MYBPC1: variants seen among roughly 807,000 people sequenced by gnomAD.
MYBPC1 encodes myosin-binding protein C, slow-type.
In MYBPC1, 52 loss-of-function variants were observed where a neutral mutation model predicts 147.1. The ratio of observed to expected loss-of-function variants is 0.35; its 90% CI spans 0.28 to 0.45. The LOEUF is 0.45. MYBPC1 is among the 20% of genes least tolerant of loss of function. MYBPC1 has a pLI of 1.00. For synonymous variants in MYBPC1, 477 were observed against 475.9 expected (o/e 1.00, Z -0.03); for missense variants, 1,228 against 1,440.3 (o/e 0.85, Z 2.39).
chr12:101,661,169 C>G lies in MYBPC1; in HGVS notation c.1939C>G (p.Pro647Ala). 2 of 1,613,100 alleles carry G rather than the reference C, an allele frequency of 1.2e-6. No homozygotes were observed. The highest frequency in any genetic ancestry group is 1.7e-6 in the Non-Finnish European group (2 of 1,179,536). ...TTTGTCTGCCACAGACTTCCCTGAT[C>G]CTCCAGTGGCACCGACTGTGACAGA... ...IKVKVVDFPD[P>A]PVAPTVTEVG... The change falls in exon 20 of 32, where the codon CCT becomes GCT. Residue 647 changes from proline (P) to alanine (A), a missense_variant. Transcript: ENST00000361466.
intron 5 of MYBPC1, 169 bp downstream of exon 5, chr12:101,627,973 A>G (rs1889013972): frequency 1.3e-6 from 1 of 790,268 alleles, no homozygotes; most frequent in Admixed American, 2.2e-5. Context: ...ATTGAGAAAC[A>G]ATTAATTTTG....
At position 101,680,377 on chromosome 12, in the gene MYBPC1, T is replaced by G; in HGVS notation, c.3281T>G (p.Ile1094Ser). 1 of 1,614,122 alleles carries G rather than the reference T, an allele frequency of 6.2e-7. No homozygotes were observed. Among genetic ancestry groups the G allele is most frequent in the Non-Finnish European group, 8.5e-7 (1 of 1,179,984 alleles). ...ACCTGGATGAAAAACAAAGTTGCTA[T>G]TGTGGATGATCCAAGATACAGGATG... ...KITWMKNKVAIVDDPRYRMFS... is the reference protein window; with the variant it reads ...KITWMKNKVASVDDPRYRMFS... Residue 1094 changes from isoleucine to serine, a missense_variant, in exon 29 of 32, where the codon ATT becomes AGT. By Grantham distance (142) the Ile-to-Ser change is moderately radical. Coordinates refer to ENST00000361466, the MANE Select transcript of MYBPC1 (RefSeq NM_002465.4).
chr12:101,598,092 TCA>T (rs1878168836), intron 1 of MYBPC1, among the ~76,000 whole-genome samples: 2 of 147,900 alleles, frequency 1.4e-5, no homozygotes, highest in Admixed American at 1.4e-4. Context: ...CAGTCTCCGC[TCA>T]CTGCAGCCTT....
In MYBPC1 at chr12:101,661,147, G is replaced by C; in HGVS notation, c.1928-11G>C. ...CTTATTTTACTTTATCCTATTTTTTGTCTGCCACAGACTTCCCTGATCCTC... is the reference window on the plus strand; with the variant it reads ...CTTATTTTACTTTATCCTATTTTTTCTCTGCCACAGACTTCCCTGATCCTC... On this transcript the variant is annotated splice_polypyrimidine_tract_variant and intron_variant, in intron 19 of 31. Coordinates refer to ENST00000361466, the MANE Select transcript of MYBPC1 (RefSeq NM_002465.4). 1.3e-6 allele frequency: 2 copies of C among 1,591,266 alleles called. No individual in the cohort carries two copies. The highest frequency in any genetic ancestry group is 1.7e-6 in the Non-Finnish European group (2 of 1,163,756).
chr12:101,678,633 T>C (rs1900633861), intron 28 of MYBPC1, among the ~76,000 whole-genome samples: 1 of 152,200 alleles, frequency 6.6e-6, no homozygotes, highest in Non-Finnish European at 1.5e-5. Context: ...CACTACACTG[T>C]AAGACAGAAT....
At chr12:101,601,241 G>A (rs1879786252) in intron 1 of MYBPC1, among the ~76,000 whole-genome samples, 1 of 152,170 alleles carries the variant, frequency 6.6e-6, no homozygotes, top group African/African-American at 2.4e-5. Flanking sequence ...TGTCCTTGCA[G>A]CTTTTTACAA....
intron 22 of MYBPC1, among the ~76,000 whole-genome samples, chr12:101,664,205 T>C (rs1216649174): frequency 6.6e-6 from 1 of 152,004 alleles, no homozygotes; most frequent in African/African-American, 2.4e-5. Flanking sequence ...AAATCACTGA[T>C]AGAAATAATA....
At chr12:101,634,452 T>G (rs1565930314) in intron 8 of MYBPC1, 102 bp from the exon 9 acceptor site, 5 of 963,352 alleles carry the variant, frequency 5.2e-6, no homozygotes, top group Non-Finnish European at 8.3e-6. Context: ...CCCCTTCACC[T>G]GACATTCTTC....
chr12:101,680,530 G>T lies in MYBPC1; in HGVS notation c.3433+1G>T, dbSNP rs112750646. 1 of 1,613,394 alleles carries T rather than the reference G, an allele frequency of 6.2e-7. No homozygotes were observed. The highest frequency in any genetic ancestry group is 1.1e-5 in the South Asian group (1 of 91,038). On this transcript the variant is annotated splice_donor_variant, in intron 29 of 31. Coordinates refer to ENST00000361466, the MANE Select transcript of MYBPC1 (RefSeq NM_002465.4). LOFTEE classifies it high-confidence loss of function. ...ATTGAATGCAAACTGGAGGTGAAAG[G>T]TATGACATCCAATATCTCACGTATA...
intron 28 of MYBPC1, 72 bp downstream of exon 28, chr12:101,678,310 T>C (rs1900474229): frequency 3.8e-6 from 6 of 1,584,114 alleles, no homozygotes; most frequent in East Asian, 2.2e-5. Flanking sequence ...TAAGTAACAA[T>C]GTAAACAAAT....
At chr12:101,681,004 TTAAG>T (rs1329948379) in intron 29 of MYBPC1, among the ~76,000 whole-genome samples, 13 of 152,208 alleles carry the variant, frequency 8.5e-5, no homozygotes, top group African/African-American at 1.9e-4. Flanking sequence ...GTTTTGCTAA[TTAAG>T]TGTTTGATAT....
chr12:101,681,175 T>C (rs1275051845), intron 29 of MYBPC1, among the ~76,000 whole-genome samples: 7 of 152,106 alleles, frequency 4.6e-5, no homozygotes, highest in African/African-American at 1.4e-4. Flanking sequence ...TTTATGCGGT[T>C]GAAAAGCATA....
At chr12:101,681,577 TATATATATATATA>T in intron 29 of MYBPC1, among the ~76,000 whole-genome samples, 1 of 27,474 alleles carries the variant, frequency 3.6e-5, no homozygotes, top group Non-Finnish European at 7.4e-5. Flanking sequence ...TATATATATA[TATATATATATATA>T]TATTTTTTTT....
intron 15 of MYBPC1, among the ~76,000 whole-genome samples, chr12:101,649,643 G>A (rs1201193402): frequency 1.3e-5 from 2 of 152,162 alleles, no homozygotes; most frequent in Admixed American, 1.3e-4. Context: ...TATTAGGAAG[G>A]AAGTATAAAA....
chr12:101,689,552 C>T (rs1951389307), downstream of MYBPC1, among the ~76,000 whole-genome samples: 1 of 150,862 alleles, frequency 6.6e-6, no homozygotes, highest in East Asian at 1.9e-4. Context: ...TTCAGAGGAA[C>T]AGCGAGTAGG....
chr12:101,606,466 ATTT>A (rs34796532), intron 1 of MYBPC1, among the ~76,000 whole-genome samples: 1 of 141,232 alleles, frequency 7.1e-6, no homozygotes, highest in Non-Finnish European at 1.5e-5. Flanking sequence ...TCAATTTAGT[ATTT>A]TTTTTTTTTT....
intron 12 of MYBPC1, among the ~76,000 whole-genome samples, chr12:101,646,516 G>A (rs529699707): frequency 2.0e-4 from 30 of 152,242 alleles, no homozygotes; most frequent in African/African-American, 7.2e-4. Flanking sequence ...CCCCACACCT[G>A]TGGTCCCGGC....
chr12:101,668,118 G>T (rs1897837490), intron 23 of MYBPC1, among the ~76,000 whole-genome samples: 1 of 152,172 alleles, frequency 6.6e-6, no homozygotes, highest in South Asian at 2.1e-4. Context: ...CTGAGGACCA[G>T]TTAGTTAACC....
At chr12:101,682,726 G>C in intron 30 of MYBPC1, 64 bp downstream of exon 30, 1 of 1,414,510 alleles carries the variant, frequency 7.1e-7, no homozygotes, top group Non-Finnish European at 1.0e-6. Flanking sequence ...ACATGAAAAT[G>C]CACCTTGCAT....
Sources: allele counts gnomAD v4.1 joint callset (sites outside exome capture counted in the v4.1 genomes callset), GRCh38; gene constraint gnomAD v4.1.1; transcripts MANE v1.5; gene names NCBI Gene and HGNC (gene_info 2026-07-23, HGNC 2026-07-21).